Variants in VPS53 observed in about 807,000 individuals in gnomAD.
The protein encoded by VPS53 is vacuolar protein sorting-associated protein 53 homolog.
A neutral mutation model predicts 107.0 loss-of-function variants in VPS53; 70 were observed. The ratio of observed to expected loss-of-function variants is 0.65; its 90% CI spans 0.54 to 0.80. The LOEUF is 0.80. Ranked by LOEUF, VPS53 falls within the 30% of genes least tolerant of loss-of-function variation. VPS53 has a pLI of 0.00. For synonymous variants in VPS53, 409 were observed against 393.3 expected, an observed-to-expected ratio of 1.04 and a Z score of -0.47; for missense variants, 917 against 1,049.4, an observed-to-expected ratio of 0.87 and a Z score of 1.74.
At chr17:600,458 A>G (rs984527411) in intron 12 of VPS53, among the ~76,000 whole-genome samples, 2 of 152,238 alleles carry the variant, frequency 1.3e-5, no homozygotes, top group African/African-American at 4.8e-5. Flanking sequence ...GCAATTGAGA[A>G]CTGCATTTAA....
chr17:623,847 A>G (rs966517258), intron 10 of VPS53, among the ~76,000 whole-genome samples, 173 bp from the exon 11 acceptor site: 2 of 152,132 alleles, frequency 1.3e-5, no homozygotes, highest in African/African-American at 4.8e-5. Flanking sequence ...TACATATTCT[A>G]AACAAGATTT....
chr17:670,243 T>C (rs1287017227), intron 4 of VPS53, among the ~76,000 whole-genome samples: 1 of 151,994 alleles, frequency 6.6e-6, no homozygotes, highest in East Asian at 1.9e-4. Context: ...AACTGGGCAC[T>C]GGAGCCACAG....
At chr17:620,800 G>A (rs1392772265) in intron 11 of VPS53, among the ~76,000 whole-genome samples, 1 of 151,942 alleles carries the variant, frequency 6.6e-6, no homozygotes, top group Non-Finnish European at 1.5e-5. Context: ...TCGTGATGGG[G>A]TTTTGTCACG....
chr17:602,232 A>T (rs1413085794), intron 11 of VPS53, among the ~76,000 whole-genome samples: 4 of 152,208 alleles, frequency 2.6e-5, no homozygotes, highest in African/African-American at 9.6e-5. Flanking sequence ...ACCAAGCTAC[A>T]TGTCTCCTAC....
chr17:626,916 C>G (rs917853859), intron 10 of VPS53, among the ~76,000 whole-genome samples: 1 of 152,144 alleles, frequency 6.6e-6, no homozygotes, highest in East Asian at 1.9e-4. Flanking sequence ...GTAGGTCAAT[C>G]TGGTGTATAA....
chr17:571,593 GC>G (rs1185285894), intron 13 of VPS53, among the ~76,000 whole-genome samples: 1 of 141,398 alleles, frequency 7.1e-6, no homozygotes. Flanking sequence ...CTGATGCCGA[GC>G]CGAAGCTGGA....
At chr17:637,710 C>G (rs990308854) in intron 7 of VPS53, among the ~76,000 whole-genome samples, 15 of 152,172 alleles carry the variant, frequency 9.9e-5, no homozygotes, top group Non-Finnish European at 2.2e-4. Flanking sequence ...TGTTCAGTTT[C>G]CAGTAGTTGA....
intron 10 of VPS53, 41 bp from the exon 11 acceptor site, chr17:623,715 T>C (rs756978961): frequency 4.4e-6 from 7 of 1,578,148 alleles, no homozygotes; most frequent in African/African-American, 1.3e-5. Context: ...AACAAGCTGA[T>C]CATTCATTCA....
intron 7 of VPS53, among the ~76,000 whole-genome samples, chr17:644,292 T>C (rs984754228): frequency 6.6e-6 from 1 of 152,242 alleles, no homozygotes; most frequent in African/African-American, 2.4e-5. Context: ...ACTTTTCACA[T>C]GACTTCTACA....
In VPS53 at chr17:634,842, G is replaced by A. The variant is rs933622734; in HGVS notation, c.609-3214C>T. Among the ~76,000 whole-genome samples the A allele has an allele frequency of 1.3e-4, 19 of 150,732 alleles. 1 individual carries two copies. Among genetic ancestry groups the A allele is most frequent in the Non-Finnish European group, 2.5e-4 (17 of 67,594 alleles). On this transcript the variant is annotated intron_variant, in intron 7 of 21. Coordinates refer to ENST00000437048, the MANE Select transcript of VPS53 (RefSeq NM_001128159.3). ...CCAAGTCTTTGCTATTGTGAATAGT[G>A]CCGCAATAAACATACGTGTGCATGT...
At chr17:532,556 G>A in intron 19 of VPS53, 1 of 577,360 alleles carries the variant, frequency 1.7e-6, no homozygotes, top group Non-Finnish European at 2.5e-6. Flanking sequence ...GCTGTGCCCG[G>A]CCCAGCCACT....
At chr17:534,724 C>A (rs1049720173) in intron 18 of VPS53, among the ~76,000 whole-genome samples, 2 of 152,100 alleles carry the variant, frequency 1.3e-5, no homozygotes, top group Non-Finnish European at 2.9e-5. Context: ...TTGAGACCAG[C>A]CTGGGCAACA....
intron 15 of VPS53, among the ~76,000 whole-genome samples, chr17:557,915 A>G (rs1044381546): frequency 2.1e-5 from 3 of 144,884 alleles, no homozygotes; most frequent in African/African-American, 7.8e-5. Flanking sequence ...GCTGGAGTGC[A>G]GTGGTGTGAT....
chr17:547,865 G>C (rs942238031), intron 17 of VPS53, among the ~76,000 whole-genome samples: 10 of 152,064 alleles, frequency 6.6e-5, no homozygotes, highest in African/African-American at 2.4e-4. Flanking sequence ...CCTAACCTCA[G>C]ATGATTTGCA....
rs1401734175 is a variant in VPS53, at chr17:521,606, G to A, written c.2218C>T (p.Leu740Phe). The A allele has an allele frequency of 6.5e-7, 1 of 1,542,260 alleles. No individual in the cohort carries two copies. The highest frequency in any genetic ancestry group is 2.5e-5 in the East Asian group (1 of 40,626). Residue 740 changes from leucine to phenylalanine, a missense_variant, in exon 20 of 22, where the codon CTC becomes TTC. By Grantham distance (22) the Leu-to-Phe change is conservative. Transcript: ENST00000437048. ...VKGMTRAEMI[L>F]KVVMAPHEPL... ...CTTTTAACACAAGCCATCACCTTGA[G>A]GATCATCTCAGCCCGGGTCATGCCT...
chr17:546,528 G>A (rs532982370), intron 17 of VPS53, among the ~76,000 whole-genome samples: 2 of 152,176 alleles, frequency 1.3e-5, no homozygotes, highest in Non-Finnish European at 2.9e-5. Flanking sequence ...ACAACAGAAA[G>A]ACAACCCAAT....
At chr17:635,618 T>A (rs963652862) in intron 7 of VPS53, among the ~76,000 whole-genome samples, 5 of 152,206 alleles carry the variant, frequency 3.3e-5, no homozygotes, top group Non-Finnish European at 5.9e-5. Context: ...CACGTATGGC[T>A]AGCCAGTTTT....
chr17:610,298 G>A (rs1454275288), intron 11 of VPS53, among the ~76,000 whole-genome samples: 2 of 152,142 alleles, frequency 1.3e-5, no homozygotes, highest in Admixed American at 6.5e-5. Context: ...AAATCTTTCT[G>A]TAGTAGTTGA....
chr17:579,267 T>C lies in VPS53; in HGVS notation c.1313+7003A>G, dbSNP rs140305602. 4.5e-3 allele frequency among the ~76,000 whole-genome samples: 393 copies of C among 87,194 alleles called. 28 individuals are homozygous for C. The highest frequency in any genetic ancestry group is 9.3e-3 in the South Asian group (21 of 2,254). 57.2% of individuals were successfully genotyped at this position (87,194 alleles called of 152,430 possible). Reference sequence around the variant, plus strand: ...AGAGAACCTCCCTCAGAACCTAATGTATTCCTAGAGAACTTCCCTCAGAAC... The same window carrying C: ...AGAGAACCTCCCTCAGAACCTAATGCATTCCTAGAGAACTTCCCTCAGAAC... On this transcript the variant is annotated intron_variant, in intron 13 of 21. Transcript: ENST00000437048.
Sources: gnomAD v4.1 joint callset for allele counts (sites outside exome capture counted in the v4.1 genomes callset) on GRCh38, gnomAD v4.1.1 for gene constraint, MANE v1.5 for transcripts, NCBI Gene and HGNC (gene_info 2026-07-23, HGNC 2026-07-21) for gene names.